Variants in ADRA1A observed in about 807,000 individuals in gnomAD.
ADRA1A encodes alpha-1A adrenergic receptor.
A neutral mutation model predicts 29.6 loss-of-function variants in ADRA1A; 31 were observed. The observed-to-expected ratio is 1.05, with a 90% CI of 0.79 to 1.41. The LOEUF is 1.41. Ranked by LOEUF, ADRA1A falls within the 40% of genes most tolerant of loss-of-function variation. The pLI is 0.00. For missense variants in ADRA1A, 619 were observed against 601.1 expected, an observed-to-expected ratio of 1.03 and a Z score of -0.31; for synonymous variants, 311 against 254.3, an observed-to-expected ratio of 1.22 and a Z score of -2.12.
At chr8:26,863,378 A>C (rs542027017) in intron 2 of ADRA1A, among the ~76,000 whole-genome samples, 1 of 152,338 alleles carries the variant, frequency 6.6e-6, no homozygotes, top group Admixed American at 6.5e-5. Context: ...GTTATCTGCA[A>C]CTTCCCGGAT....
chr8:26,834,566 C>T (rs922683861), intron 2 of ADRA1A, among the ~76,000 whole-genome samples: 2 of 152,198 alleles, frequency 1.3e-5, no homozygotes, highest in African/African-American at 4.8e-5. Context: ...TCTCTTTCCT[C>T]AGTTGACCAT....
In ADRA1A at chr8:26,848,284, G is replaced by T. The variant is rs148227276; in HGVS notation, c.883+15803C>A. 1.5e-4 allele frequency among the ~76,000 whole-genome samples: 23 copies of T among 152,344 alleles called. No individual in the cohort carries two copies. The South Asian group carries it at 4.6e-3, about 30-fold the overall frequency. On this transcript the variant is annotated intron_variant, in intron 2 of 2. Transcript: ENST00000380573. The surrounding 1 kb of genome is among the most constrained non-coding windows in gnomAD (Gnocchi z 4.3). ...CAAGTACCACTAATATGGATGGAAA[G>T]TTTGTGTCCTCCCCAAATCCACATG...
chr8:26,814,763 G>A (rs889731294), intron 2 of ADRA1A, among the ~76,000 whole-genome samples: 2 of 152,170 alleles, frequency 1.3e-5, no homozygotes, highest in Non-Finnish European at 2.9e-5. Context: ...TTAGGATGGT[G>A]GAATTTTAGA....
At chr8:26,809,334 C>T (rs1809220910) in intron 2 of ADRA1A, among the ~76,000 whole-genome samples, 2 of 152,056 alleles carry the variant, frequency 1.3e-5, no homozygotes, top group South Asian at 2.1e-4. Flanking sequence ...TTTCCAAGGC[C>T]CAGCACCTCT....
chr8:26,753,626 A>G (rs1805020277), downstream of ADRA1A, among the ~76,000 whole-genome samples: 1 of 152,218 alleles, frequency 6.6e-6, no homozygotes, highest in Non-Finnish European at 1.5e-5. Flanking sequence ...TGCTACTTAC[A>G]AACGGATAAA....
At chr8:26,766,643 C>T (rs61759728), downstream of ADRA1A, among the ~76,000 whole-genome samples, 16,328 of 152,062 alleles carry the variant, frequency 0.11, 1,334 homozygotes, top group East Asian at 0.33. Context: ...AAACGTTTAC[C>T]CCCATTCTCT....
intron 2 of ADRA1A, among the ~76,000 whole-genome samples, chr8:26,750,876 C>T (rs1804894412): frequency 6.6e-6 from 1 of 152,154 alleles, no homozygotes; most frequent in Non-Finnish European, 1.5e-5. Context: ...TCGAGACCAG[C>T]CTGACCAACA....
chr8:26,834,624 C>T lies in ADRA1A; in HGVS notation c.883+29463G>A, dbSNP rs541261109. On this transcript the variant is annotated intron_variant, in intron 2 of 2. Transcript: ENST00000380573. Reference sequence around the variant, plus strand: ...GCCTTGTAGAGCACAGCAATCTCCACGTAGATCCCACCAGCCCAGAAGAGC... The same window carrying T: ...GCCTTGTAGAGCACAGCAATCTCCATGTAGATCCCACCAGCCCAGAAGAGC... Among the ~76,000 whole-genome samples, 8 of 152,320 alleles carry T rather than the reference C, an allele frequency of 5.3e-5. No individual in the cohort carries two copies. The South Asian group carries it at 6.2e-4, about 12-fold the overall frequency.
chr8:26,792,996 T>C (rs1167580117), intron 2 of ADRA1A, among the ~76,000 whole-genome samples: 2 of 151,872 alleles, frequency 1.3e-5, no homozygotes, highest in Non-Finnish European at 2.9e-5. Flanking sequence ...AAGACATGGT[T>C]ACAAAAATAA....
Position 26,779,094 on chromosome 8 carries a change from T to C in ADRA1A, c.884-8428A>G, listed in dbSNP as rs549100173. On this transcript the variant is annotated intron_variant, in intron 2 of 2. Coordinates refer to ENST00000380573, the MANE Select transcript of ADRA1A (RefSeq NM_000680.4). ...GGTACATATCACAGTTTTTAAGTTT[T>C]CTTATTTACTTGTTTTCTTTGATTG... 23 of 491,262 alleles carry C rather than the reference T, an allele frequency of 4.7e-5. No individual in the cohort carries two copies. The South Asian group carries it at 7.9e-4, about 17-fold the overall frequency. The allele number at this position is 491,262 out of a possible 1,614,324, so 30.4% of individuals were successfully genotyped here.
Position 26,786,554 on chromosome 8 carries a change from G to T in ADRA1A, c.884-15888C>A, listed in dbSNP as rs1044119683. Among the ~76,000 whole-genome samples the T allele has an allele frequency of 5.9e-5, 9 of 151,898 alleles. No individual in the cohort carries two copies. The East Asian group carries it at 1.7e-3, about 29-fold the overall frequency. Reference sequence around the variant, plus strand: ...CCAAAGTGCTGGGATTACACAACCTGATCTCTTGATCTATGGAATACTTCT... The same window carrying T: ...CCAAAGTGCTGGGATTACACAACCTTATCTCTTGATCTATGGAATACTTCT... On this transcript the variant is annotated intron_variant, in intron 2 of 2. Transcript: ENST00000380573.
At chr8:26,792,673 T>C (rs938539404) in intron 2 of ADRA1A, among the ~76,000 whole-genome samples, 5 of 147,596 alleles carry the variant, frequency 3.4e-5, no homozygotes, top group African/African-American at 7.7e-5. Flanking sequence ...AAGCATCAAA[T>C]GAATTAATGT....
chr8:26,761,626 G>A (rs756964693), downstream of ADRA1A, among the ~76,000 whole-genome samples: 11 of 152,302 alleles, frequency 7.2e-5, no homozygotes, highest in South Asian at 4.1e-4. Flanking sequence ...ACCAGCCAAC[G>A]CCTTAATCTT....
chr8:26,770,370 C>G lies in ADRA1A; in HGVS notation c.1180G>C (p.Val394Leu), dbSNP rs558845106. ...TFYRISKTDG[V>L]CEWKFFSSMP... Reference sequence around the variant, plus strand: ...GAAGAGAAAAATTTCCATTCACAAACGCCATCCGTCTTGGAGATCCTGTAG... The same window carrying G: ...GAAGAGAAAAATTTCCATTCACAAAGGCCATCCGTCTTGGAGATCCTGTAG... Residue 394 changes from valine to leucine, a missense_variant, in exon 3 of 3, where the codon GTT becomes CTT. Transcript: ENST00000380573. The G allele has an allele frequency of 1.2e-6, 2 of 1,614,082 alleles. No individual in the cohort carries two copies. The highest frequency in any genetic ancestry group is 1.7e-6 in the Non-Finnish European group (2 of 1,180,030).
chr8:26,804,361 C>A (rs1185391044), intron 2 of ADRA1A, among the ~76,000 whole-genome samples: 1 of 151,990 alleles, frequency 6.6e-6, no homozygotes, highest in Non-Finnish European at 1.5e-5. Flanking sequence ...TGGAAACAGT[C>A]CAAATTTCAT....
intron 2 of ADRA1A, among the ~76,000 whole-genome samples, chr8:26,837,808 TGTTTG>T (rs1563294859): frequency 9.5e-6 from 1 of 105,242 alleles, no homozygotes; most frequent in African/African-American, 3.1e-5. Flanking sequence ...TGAGCTGACA[TGTTTG>T]GAGAAGGCTC....
Position 26,787,746 on chromosome 8 carries a change from C to A in ADRA1A, c.884-17080G>T, listed in dbSNP as rs181091913. Among the ~76,000 whole-genome samples the A allele has an allele frequency of 9.9e-5, 15 of 152,104 alleles. No homozygotes were observed. The highest frequency in any genetic ancestry group is 9.8e-4 in the Admixed American group (15 of 15,260). On this transcript the variant is annotated intron_variant, in intron 2 of 2. Coordinates refer to ENST00000380573, the MANE Select transcript of ADRA1A (RefSeq NM_000680.4). The surrounding 1 kb of genome is among the most constrained non-coding windows in gnomAD (Gnocchi z 4.2). ...GTTCAGGGATGAGGGCAAGATTGTT[C>A]CCTTTTCTGTGCCTCAGTTTCCTGG...
Position 26,787,393 on chromosome 8 carries a change from A to G in ADRA1A, c.884-16727T>C, listed in dbSNP as rs537989826. ...TTGTTCAGAATAGACATGTTTGGAC[A>G]TGGAAAAAAAACCCACACATACTAT... is the stretch of plus-strand genomic sequence containing the variant. On this transcript the variant is annotated intron_variant, in intron 2 of 2. Coordinates refer to ENST00000380573, the MANE Select transcript of ADRA1A (RefSeq NM_000680.4). The surrounding 1 kb of genome is among the most constrained non-coding windows in gnomAD (Gnocchi z 4.2). Among the ~76,000 whole-genome samples the G allele has an allele frequency of 1.4e-4, 22 of 152,326 alleles. No homozygotes were observed. The highest frequency in any genetic ancestry group is 2.8e-4 in the Non-Finnish European group (19 of 68,034).
At position 26,864,314 on chromosome 8, in the gene ADRA1A, T is replaced by C. The variant is rs773249771; in HGVS notation, c.656A>G (p.Lys219Arg). ...VVAKRESRGL[K>R]SGLKTDKSDS... Reference sequence around the variant, plus strand: ...CGACTTGTCGGTCTTGAGGCCAGACTTGAGGCCCCGGCTCTCCCTCTTGGC... The same window carrying C: ...CGACTTGTCGGTCTTGAGGCCAGACCTGAGGCCCCGGCTCTCCCTCTTGGC... The change falls in exon 2 of 3, where the codon AAG (lysine) becomes AGG (arginine). Residue 219 changes from lysine to arginine, a missense_variant. Physicochemically the swap from Lys to Arg is conservative, Grantham distance 26. Transcript: ENST00000380573. This position sits in a 1 kb window ranked among gnomAD's most constrained non-coding sequence, Gnocchi z 8.1. 1.9e-6 allele frequency: 3 copies of C among 1,614,108 alleles called. No individual in the cohort carries two copies. Among genetic ancestry groups the C allele is most frequent in the East Asian group, 2.2e-5 (1 of 44,868 alleles).
Sources: allele counts gnomAD v4.1 joint callset (sites outside exome capture counted in the v4.1 genomes callset), GRCh38; gene constraint gnomAD v4.1.1; non-coding constraint Gnocchi (gnomAD v3.1); transcripts MANE v1.5; gene names NCBI Gene and HGNC (gene_info 2026-07-23, HGNC 2026-07-21).